The following HAO1 variants were observed in gnomAD, a reference collection of about 807,000 sequenced individuals.
The protein encoded by HAO1 is hydroxyacid oxidase 1, also known as 2-Hydroxyacid oxidase 1.
A neutral mutation model predicts 39.7 loss-of-function variants in HAO1; 34 were observed. The observed-to-expected ratio is 0.86, with a 90% CI of 0.65 to 1.14. HAO1 has a LOEUF of 1.14. Among genes scored for constraint, HAO1 ranks in the 50% most tolerant of loss-of-function variants. The pLI is 0.00. For missense variants in HAO1, 479 were observed against 464.5 expected, an observed-to-expected ratio of 1.03 and a Z score of -0.29; for synonymous variants, 172 against 173.2, an observed-to-expected ratio of 0.99 and a Z score of 0.05.
intron 1 of HAO1, among the ~76,000 whole-genome samples, chr20:7,936,185 T>G (rs1038532454): frequency 3.3e-5 from 5 of 152,196 alleles, no homozygotes; most frequent in African/African-American, 1.2e-4. Flanking sequence ...TTTTACTGTG[T>G]GATTTCTATG....
chr20:7,902,480 TG>T (rs1032057215), intron 4 of HAO1, among the ~76,000 whole-genome samples: 2 of 152,312 alleles, frequency 1.3e-5, no homozygotes, highest in East Asian at 3.9e-4. Flanking sequence ...GTATATACAT[TG>T]TTTTTTAGGC....
Position 7,897,651 on chromosome 20 carries a change from AT to A in HAO1, c.722-2428del, listed in dbSNP as rs1227515172. Among the ~76,000 whole-genome samples, 5 of 151,678 alleles carry A rather than the reference AT, an allele frequency of 3.3e-5. No homozygotes were observed. In the South Asian group the frequency reaches 1.0e-3, roughly 32 times the overall value. On this transcript the variant is annotated intron_variant, in intron 4 of 7. Transcript: ENST00000378789. ...ATTGGGAACTCTTCTTTATGCTCTA[AT>A]TTTCTTTTCATGGCAGACTCTTCCT... is the stretch of plus-strand genomic sequence containing the variant.
chr20:7,923,932 G>C (rs3817774), intron 2 of HAO1, among the ~76,000 whole-genome samples: 1 of 151,996 alleles, frequency 6.6e-6, no homozygotes, highest in Non-Finnish European at 1.5e-5. Context: ...CATTGAAAAC[G>C]GGAGGGAAAT....
chr20:7,915,768 G>T (rs986575690), intron 2 of HAO1, among the ~76,000 whole-genome samples: 1 of 151,904 alleles, frequency 6.6e-6, no homozygotes, highest in Non-Finnish European at 1.5e-5. Context: ...GATATATTAA[G>T]GAAAGAAAAA....
intron 5 of HAO1, among the ~76,000 whole-genome samples, chr20:7,894,108 G>C (rs934939119): frequency 3.3e-5 from 5 of 152,140 alleles, no homozygotes; most frequent in African/African-American, 1.2e-4. Context: ...CAGCACATAA[G>C]GGAACCACTT....
chr20:7,912,795 C>CT (rs1250777494), intron 3 of HAO1, among the ~76,000 whole-genome samples: 1 of 152,072 alleles, frequency 6.6e-6, no homozygotes, highest in Non-Finnish European at 1.5e-5. Context: ...AGGGAGAGCA[C>CT]TTTCTTTTTC....
chr20:7,940,412 C>T lies in HAO1; in HGVS notation c.11G>A (p.Arg4Gln), dbSNP rs775389243. ...TTCATAATCATTGATACAAATTAGC[C>T]GGGGGAGCATTTTCACAGGTTATTG... MLP[R>Q]LICINDYEQH... The change falls in exon 1 of 8, where the codon CGG becomes CAG. Residue 4 changes from arginine to glutamine, a missense_variant. Physicochemically the swap from Arg to Gln is conservative, Grantham distance 43 (BLOSUM62 1). Transcript: ENST00000378789. The T allele has an allele frequency of 1.9e-5, 31 of 1,603,658 alleles. No individual in the cohort carries two copies. The highest frequency in any genetic ancestry group is 4.5e-5 in the South Asian group (4 of 88,508).
intron 4 of HAO1, among the ~76,000 whole-genome samples, chr20:7,902,315 A>T (rs576293913): frequency 6.6e-6 from 1 of 152,324 alleles, no homozygotes; most frequent in Non-Finnish European, 1.5e-5. Flanking sequence ...TTAAGAAGTT[A>T]CCACAGCCAC....
chr20:7,906,164 GC>G lies in HAO1; in HGVS notation c.710del (p.Gly237AlafsTer3). 6.2e-7 allele frequency: 1 copy of G among 1,610,372 alleles called. No homozygotes were observed. Among genetic ancestry groups the G allele is most frequent in the Non-Finnish European group, 8.5e-7 (1 of 1,176,704 alleles). On this transcript the variant is annotated frameshift_variant, in exon 4 of 8. Coordinates refer to ENST00000378789, the MANE Select transcript of HAO1 (RefSeq NM_017545.3). LOFTEE classifies it high-confidence loss of function. ...RLTSLPIVAK[G>X]ILRGDDAREA... ...GAGAAATAAACGAACCTCTCAAAATGCCCTTTGCAACAATTGGCAATGATGT... is the reference window on the plus strand; with the variant it reads ...GAGAAATAAACGAACCTCTCAAAATGCCTTTGCAACAATTGGCAATGATGT...
chr20:7,934,399 G>A, intron 2 of HAO1, 85 bp downstream of exon 2: 6 of 975,032 alleles, frequency 6.2e-6, no homozygotes, highest in Non-Finnish European at 9.1e-6. Flanking sequence ...AAACATCAAG[G>A]AACATATTTG....
chr20:7,883,550 AT>A lies in HAO1; in HGVS notation c.*42del, dbSNP rs779654160. 10 of 1,432,802 alleles carry A rather than the reference AT, an allele frequency of 7.0e-6. No homozygotes were observed. The highest frequency in any genetic ancestry group is 3.9e-6 in the Non-Finnish European group (4 of 1,014,474). 88.8% of individuals were successfully genotyped at this position (1,432,802 alleles called of 1,614,324 possible). A position where few individuals can be genotyped will look rare whatever the true frequency, so the allele number is the denominator to read the frequency against. ...ACAGTGTCTCTTTGTCAAGTAATAC[AT>A]GCTGAAAAAAAATAATACAGATGGG... On this transcript the variant is annotated 3_prime_UTR_variant, in exon 8 of 8. Coordinates refer to ENST00000378789, the MANE Select transcript of HAO1 (RefSeq NM_017545.3).
chr20:7,922,159 A>C (rs1442793612), intron 2 of HAO1, among the ~76,000 whole-genome samples: 1 of 152,176 alleles, frequency 6.6e-6, no homozygotes, highest in African/African-American at 2.4e-5. Context: ...GACATTTCTC[A>C]AAAGAAGAGA....
At chr20:7,923,199 G>A (rs2247586) in intron 2 of HAO1, among the ~76,000 whole-genome samples, 5 of 151,792 alleles carry the variant, frequency 3.3e-5, no homozygotes, top group African/African-American at 9.7e-5. Flanking sequence ...ACGCTAATCC[G>A]GAACTCCAAA....
At chr20:7,894,546 G>A (rs1179966559) in intron 5 of HAO1, among the ~76,000 whole-genome samples, 1 of 152,190 alleles carries the variant, frequency 6.6e-6, no homozygotes, top group Non-Finnish European at 1.5e-5. Flanking sequence ...TGATTCCAAT[G>A]TGCAGCCAAG....
intron 5 of HAO1, among the ~76,000 whole-genome samples, chr20:7,890,364 C>T: frequency 6.6e-6 from 1 of 152,024 alleles, no homozygotes. Flanking sequence ...CAGATGCCAA[C>T]CACCATGCCC....
At chr20:7,927,737 A>G (rs1212713815) in intron 2 of HAO1, among the ~76,000 whole-genome samples, 1 of 152,242 alleles carries the variant, frequency 6.6e-6, no homozygotes, top group Non-Finnish European at 1.5e-5. Flanking sequence ...ATAAAACAAT[A>G]AAACATAGGA....
At chr20:7,928,857 T>C (rs539327829) in intron 2 of HAO1, among the ~76,000 whole-genome samples, 1 of 152,280 alleles carries the variant, frequency 6.6e-6, no homozygotes, top group East Asian at 1.9e-4. Context: ...TTTTAGGGAA[T>C]TTTGATTTAT....
chr20:7,911,996 G>C (rs754180800), intron 3 of HAO1, among the ~76,000 whole-genome samples: 1 of 152,192 alleles, frequency 6.6e-6, no homozygotes, highest in Admixed American at 6.5e-5. Context: ...GGCCTACTCC[G>C]AAGTCCACTA....
rs201088890 is a variant in HAO1, at chr20:7,895,608, A to AG, written c.722-385_722-384insC. On this transcript the variant is annotated intron_variant, in intron 4 of 7. Coordinates refer to ENST00000378789, the MANE Select transcript of HAO1 (RefSeq NM_017545.3). Reference sequence around the variant, plus strand: ...ATTTGGATAGCCAAAAAAAAAAAAAACATAAAAATGTCAAGCACTGTAAAT... The same window carrying AG: ...ATTTGGATAGCCAAAAAAAAAAAAAAGCATAAAAATGTCAAGCACTGTAAAT... 8.9e-4 allele frequency among the ~76,000 whole-genome samples: 133 copies of AG among 149,572 alleles called. 2 individuals are homozygous for AG. The highest frequency in any genetic ancestry group is 3.7e-3 in the Admixed American group (55 of 15,050).
Sources: allele counts gnomAD v4.1 joint callset (sites outside exome capture counted in the v4.1 genomes callset), GRCh38; gene constraint gnomAD v4.1.1; transcripts MANE v1.5; gene names NCBI Gene and HGNC (gene_info 2026-07-23, HGNC 2026-07-21).